The following DAGLB variants were observed in gnomAD, a reference collection of about 807,000 sequenced individuals.
DAGLB encodes diacylglycerol lipase-beta.
In DAGLB, 66 loss-of-function variants were observed where a neutral mutation model predicts 72.1. The ratio of observed to expected loss-of-function variants is 0.92; its 90% CI spans 0.75 to 1.12. DAGLB has a LOEUF of 1.12. Among genes scored for constraint, DAGLB ranks in the 50% most tolerant of loss-of-function variants. The pLI is 0.00. For synonymous variants in DAGLB, 414 were observed against 359.5 expected, an observed-to-expected ratio of 1.15 and a Z score of -1.71; for missense variants, 1,065 against 884.9, an observed-to-expected ratio of 1.20 and a Z score of -2.58.
intron 11 of DAGLB, chr7:6,416,157 C>T (rs1300587331): frequency 1.3e-5 from 2 of 152,598 alleles, no homozygotes; most frequent in Non-Finnish European, 2.9e-5. Flanking sequence ...TGAAAAAAGA[C>T]TCTTAGAATT....
intron 2 of DAGLB, among the ~76,000 whole-genome samples, chr7:6,445,050 C>A (rs556479034): frequency 6.6e-6 from 1 of 152,336 alleles, no homozygotes; most frequent in African/African-American, 2.4e-5. Flanking sequence ...TAAAATGGTA[C>A]AGCTGCTTGG....
At chr7:6,410,700 G>C (rs1000777039) in intron 13 of DAGLB, among the ~76,000 whole-genome samples, 6 of 152,074 alleles carry the variant, frequency 3.9e-5, no homozygotes, top group Admixed American at 3.9e-4. Flanking sequence ...GGCAATTCTG[G>C]AAATCAGCTT....
intron 6 of DAGLB, among the ~76,000 whole-genome samples, chr7:6,428,160 C>A (rs1224266323): frequency 3.3e-5 from 5 of 151,894 alleles, no homozygotes; most frequent in African/African-American, 1.2e-4. Context: ...GCCTGGCCAA[C>A]ACAGCGAAAA....
chr7:6,431,435 T>C (rs539142035), intron 5 of DAGLB, among the ~76,000 whole-genome samples: 22 of 152,236 alleles, frequency 1.4e-4, no homozygotes, highest in Admixed American at 2.6e-4. Flanking sequence ...TTCTAATGCA[T>C]AGAATTGAAC....
chr7:6,416,901 T>C lies in DAGLB; in HGVS notation c.1239A>G (p.Arg413=), dbSNP rs766278532. The C allele has an allele frequency of 2.4e-5, 39 of 1,614,214 alleles. No individual in the cohort carries two copies. Among genetic ancestry groups the C allele is most frequent in the South Asian group, 3.3e-5 (3 of 91,092 alleles). Residue 413 remains arginine (R), a synonymous_variant, in exon 10 of 15, where the codon AGA becomes AGG. Coordinates refer to ENST00000297056, the MANE Select transcript of DAGLB (RefSeq NM_139179.4). Reference sequence around the variant, plus strand: ...CGTTGATGAGTCGTTGGTAAACGTATCTGGCAGCTTGAGAAATACCCTAAA... The same window carrying C: ...CGTTGATGAGTCGTTGGTAAACGTACCTGGCAGCTTGAGAAATACCCTAAA... The part of the protein sequence containing the change: ...LAHKGISQAA[R]YVYQRLINDG...
chr7:6,409,666 C>T lies in DAGLB; in HGVS notation c.*171G>A. ...ACTACTTCTGCTACCATTATGGCCA[C>T]AATGACTTCCCATAAACTTAAGTCA... On this transcript the variant is annotated 3_prime_UTR_variant, in exon 15 of 15. Coordinates refer to ENST00000297056, the MANE Select transcript of DAGLB (RefSeq NM_139179.4). 1.2e-6 allele frequency: 1 copy of T among 803,532 alleles called. No individual in the cohort carries two copies. Among genetic ancestry groups the T allele is most frequent in the Non-Finnish European group, 1.9e-6 (1 of 519,764 alleles). 49.8% of individuals were successfully genotyped at this position (803,532 alleles called of 1,614,324 possible). A position where few individuals can be genotyped will look rare whatever the true frequency, so the allele number is the denominator to read the frequency against.
intron 13 of DAGLB, 39 bp downstream of exon 13, chr7:6,412,772 C>CCGG: frequency 6.4e-7 from 1 of 1,556,430 alleles, no homozygotes; most frequent in Non-Finnish European, 8.7e-7. Flanking sequence ...GGGACAGGCC[C>CCGG]CGTGTCCTGC....
At chr7:6,422,305 T>C (rs925585611) in intron 8 of DAGLB, 4 of 276,572 alleles carry the variant, frequency 1.4e-5, no homozygotes, top group African/African-American at 6.6e-5. Context: ...AAGGAAGAGG[T>C]TGTTGTGAAA....
intron 6 of DAGLB, among the ~76,000 whole-genome samples, chr7:6,428,589 C>T (rs914563448): frequency 4.0e-5 from 6 of 151,074 alleles, no homozygotes; most frequent in African/African-American, 9.7e-5. Flanking sequence ...CTGGTTCAAG[C>T]GATTCTCCTG....
chr7:6,425,618 A>C (rs117787582), intron 7 of DAGLB, among the ~76,000 whole-genome samples: 2 of 152,114 alleles, frequency 1.3e-5, no homozygotes, highest in Non-Finnish European at 2.9e-5. Context: ...ACCCCCCCAG[A>C]GTGCCAGACC....
chr7:6,446,381 G>C (rs1256282808), intron 1 of DAGLB, among the ~76,000 whole-genome samples: 1 of 144,564 alleles, frequency 6.9e-6, no homozygotes, highest in East Asian at 2.1e-4. Context: ...GAGAGGCTGA[G>C]ACAGGAGAAT....
chr7:6,426,872 T>C (rs1379660556), intron 6 of DAGLB, among the ~76,000 whole-genome samples: 1 of 152,068 alleles, frequency 6.6e-6, no homozygotes, highest in African/African-American at 2.4e-5. Flanking sequence ...CTCTGGGAGA[T>C]CGAGGCAGGT....
Position 6,409,336 on chromosome 7 carries a change from C to G in DAGLB, c.*501G>C, listed in dbSNP as rs952383925. ...TTCGTCTTCATCCCCAGCCAGAGCC[C>G]AGGGCTGCCCTTGGTGACGCCCAGG... On this transcript the variant is annotated 3_prime_UTR_variant, in exon 15 of 15. Transcript: ENST00000297056. 1.3e-5 allele frequency: 2 copies of G among 157,972 alleles called. No individual in the cohort carries two copies. The highest frequency in any genetic ancestry group is 4.8e-5 in the African/African-American group (2 of 41,510). The allele number at this position is 157,972 out of a possible 1,614,324, so 9.8% of individuals were successfully genotyped here.
In DAGLB at chr7:6,424,767, C is replaced by A. The variant is rs749340631; in HGVS notation, c.1125G>T (p.Gly375=). The change falls in exon 8 of 15, where the codon GGG becomes GGT. Residue 375 remains glycine (G), a synonymous_variant. Transcript: ENST00000297056. ...RKESVVVAVR[G]TMSLQDVLTD... ...CCAACGTTACCTGCAGAGACATGGT[C>A]CCCCTCACAGCGACCACAACAGACT... 3.1e-6 allele frequency: 5 copies of A among 1,613,712 alleles called. No homozygotes were observed. The highest frequency in any genetic ancestry group is 2.5e-6 in the Non-Finnish European group (3 of 1,179,826).
At chr7:6,436,215 A>C (rs907233957) in intron 3 of DAGLB, 147 bp downstream of exon 3, 2 of 1,009,514 alleles carry the variant, frequency 2.0e-6, no homozygotes, top group South Asian at 3.6e-5. Flanking sequence ...AGTGTCTCTA[A>C]ATTTTCATGA....
intron 9 of DAGLB, among the ~76,000 whole-genome samples, chr7:6,419,280 G>T (rs1018915250): frequency 2.0e-5 from 3 of 152,052 alleles, no homozygotes; most frequent in East Asian, 1.9e-4. Flanking sequence ...ACAGGTGTGA[G>T]CCACTGCACC....
At chr7:6,436,193 T>C (rs1462282350) in intron 3 of DAGLB, among the ~76,000 whole-genome samples, 169 bp downstream of exon 3, 1 of 152,132 alleles carries the variant, frequency 6.6e-6, no homozygotes, top group Admixed American at 6.6e-5. Context: ...GAGTTGTATT[T>C]CATGGACAAA....
intron 6 of DAGLB, among the ~76,000 whole-genome samples, chr7:6,427,167 C>A (rs1380169729): frequency 1.3e-5 from 2 of 152,046 alleles, no homozygotes; most frequent in Admixed American, 6.6e-5. Flanking sequence ...AAACTACAAA[C>A]ACATCGCAAA....
At chr7:6,412,653 A>G (rs533696267) in intron 13 of DAGLB, 158 bp downstream of exon 13, 2 of 806,102 alleles carry the variant, frequency 2.5e-6, no homozygotes, top group East Asian at 2.7e-5. Flanking sequence ...TAGACATCAC[A>G]GAGTCCTAGC....
Sources: gnomAD v4.1 joint callset for allele counts (sites outside exome capture counted in the v4.1 genomes callset) on GRCh38, gnomAD v4.1.1 for gene constraint, MANE v1.5 for transcripts, NCBI Gene and HGNC (gene_info 2026-07-23, HGNC 2026-07-21) for gene names.